The following CDH13 variants were observed in gnomAD, a reference collection of about 807,000 sequenced individuals.
The protein encoded by CDH13 is cadherin 13, also known as cadherin-13.
Under a neutral mutation model 63.8 loss-of-function variants are expected in CDH13, and 24 were observed. That is an observed-to-expected ratio of 0.38 (90% CI 0.27 to 0.53). CDH13 has a LOEUF of 0.53. Among genes scored for constraint, CDH13 ranks in the 20% least tolerant of loss-of-function variants. The probability of loss-of-function intolerance (pLI) is 0.85; values close to 1 mark genes in which losing one functional copy is unlikely to be tolerated. For synonymous variants in CDH13, 503 were observed against 355.3 expected, an observed-to-expected ratio of 1.42 and a Z score of -4.67; for missense variants, 1,049 against 903.1, an observed-to-expected ratio of 1.16 and a Z score of -2.07.
chr16:82,996,464 T>C (rs1912215229), intron 2 of CDH13, among the ~76,000 whole-genome samples: 2 of 152,178 alleles, frequency 1.3e-5, no homozygotes, highest in African/African-American at 4.8e-5. Flanking sequence ...TTTATCTCTC[T>C]GCCGGGCTAG....
At chr16:83,339,920 T>G (rs2090684617) in intron 5 of CDH13, among the ~76,000 whole-genome samples, 1 of 152,210 alleles carries the variant, frequency 6.6e-6, no homozygotes, top group Admixed American at 6.5e-5. Flanking sequence ...TAAAGCTGAA[T>G]GAGTTACTCC....
intron 5 of CDH13, among the ~76,000 whole-genome samples, chr16:83,297,105 T>A (rs1333775040): frequency 2.6e-5 from 4 of 152,086 alleles, no homozygotes; most frequent in Non-Finnish European, 5.9e-5. Flanking sequence ...GGAGAGAGGA[T>A]GGTCAACAGG....
rs186337352 is a variant in CDH13, at chr16:83,061,823, G to A, written c.366+29605G>A. 3.7e-4 allele frequency among the ~76,000 whole-genome samples: 56 copies of A among 152,290 alleles called. 1 individual carries two copies. Among genetic ancestry groups the A allele is most frequent in the African/African-American group, 1.0e-3 (43 of 41,566 alleles). On this transcript the variant is annotated intron_variant, in intron 3 of 13. Coordinates refer to ENST00000567109, the MANE Select transcript of CDH13 (RefSeq NM_001257.5). ...CTCAGTCTCCCAGCAAAATTGAAAC[G>A]TAATTCAACTTCAGATGGTCAATGC...
At chr16:82,758,865 G>C (rs2034723283) in intron 1 of CDH13, among the ~76,000 whole-genome samples, 1 of 152,132 alleles carries the variant, frequency 6.6e-6, no homozygotes, top group South Asian at 2.1e-4. Context: ...GTTTTCCCCT[G>C]TTGATTTAGT....
intron 2 of CDH13, among the ~76,000 whole-genome samples, chr16:82,977,999 G>C (rs550918710): frequency 6.6e-6 from 1 of 152,280 alleles, no homozygotes; most frequent in South Asian, 2.1e-4. Context: ...TGAGGAACTT[G>C]TTGGAAACTG....
At chr16:83,388,071 A>C (rs1160176141) in intron 6 of CDH13, among the ~76,000 whole-genome samples, 1 of 152,102 alleles carries the variant, frequency 6.6e-6, no homozygotes, top group Non-Finnish European at 1.5e-5. Flanking sequence ...ACAGAGACCA[A>C]GAATCCGGCA....
Position 82,644,432 on chromosome 16 carries a change from C to A in CDH13, c.45+17295C>A, listed in dbSNP as rs1359173016. Among the ~76,000 whole-genome samples, 1 of 152,156 alleles carries A rather than the reference C, an allele frequency of 6.6e-6. No individual in the cohort carries two copies. On this transcript the variant is annotated intron_variant, in intron 1 of 13. Coordinates refer to ENST00000567109, the MANE Select transcript of CDH13 (RefSeq NM_001257.5). The surrounding 1 kb of genome is among the most constrained non-coding windows in gnomAD (Gnocchi z 5.7). ...TGGAACGTACTCCTGTCTGCCCTCACTCGTGGGTTGATGATTTCTATCCTT... is the reference window on the plus strand; with the variant it reads ...TGGAACGTACTCCTGTCTGCCCTCAATCGTGGGTTGATGATTTCTATCCTT...
intron 1 of CDH13, among the ~76,000 whole-genome samples, chr16:82,804,105 G>A (rs955160312): frequency 6.6e-5 from 10 of 152,050 alleles, no homozygotes; most frequent in Non-Finnish European, 1.2e-4. Flanking sequence ...GTGCGCGCCT[G>A]TAGTCCCAGC....
intron 7 of CDH13, among the ~76,000 whole-genome samples, chr16:83,532,424 G>A (rs7190681): frequency 0.054 from 8,172 of 152,266 alleles, 294 homozygotes; most frequent in South Asian, 0.12. Flanking sequence ...CCAGTGCTTG[G>A]AACATGGGAG....
intron 6 of CDH13, among the ~76,000 whole-genome samples, chr16:83,460,760 G>A (rs570534384): frequency 1.7e-4 from 26 of 151,836 alleles, no homozygotes; most frequent in African/African-American, 6.3e-4. Context: ...TTGGGAGGCC[G>A]AGGCGGGAGG....
chr16:82,773,257 G>A (rs1161608733), intron 1 of CDH13: 1 of 152,248 alleles, frequency 6.6e-6, no homozygotes, highest in African/African-American at 2.4e-5. Flanking sequence ...CTTGTTCTTT[G>A]TGGTTTCCTT....
At chr16:83,035,047 T>C (rs917986956) in intron 3 of CDH13, among the ~76,000 whole-genome samples, 12 of 151,850 alleles carry the variant, frequency 7.9e-5, no homozygotes, top group Non-Finnish European at 1.8e-4. Context: ...AAAAAGGCTT[T>C]GTGAAGATGT....
At chr16:83,651,588 CTTTT>C (rs35237670) in intron 8 of CDH13, among the ~76,000 whole-genome samples, 1 of 75,304 alleles carries the variant, frequency 1.3e-5, no homozygotes, top group African/African-American at 5.3e-5. Flanking sequence ...TTATTTTCCT[CTTTT>C]TTTTTTTTTT....
intron 5 of CDH13, among the ~76,000 whole-genome samples, chr16:83,270,512 A>G (rs529244139): frequency 4.6e-5 from 7 of 152,336 alleles, no homozygotes; most frequent in South Asian, 2.1e-4. Flanking sequence ...GAGAGCATCA[A>G]TTATCAATGT....
At chr16:83,468,943 A>AT (rs1453689135) in intron 6 of CDH13, among the ~76,000 whole-genome samples, 4 of 152,030 alleles carry the variant, frequency 2.6e-5, no homozygotes, top group African/African-American at 9.7e-5. Context: ...TCTTTCTTCC[A>AT]TTGCCCGTGG....
At chr16:83,789,790 C>G (rs905507026) in intron 13 of CDH13, among the ~76,000 whole-genome samples, 2 of 152,180 alleles carry the variant, frequency 1.3e-5, no homozygotes, top group African/African-American at 4.8e-5. Context: ...CAGACCAAAT[C>G]TGGTCTACTG....
At chr16:83,784,554 C>A (rs1004141778) in intron 13 of CDH13, among the ~76,000 whole-genome samples, 1 of 151,426 alleles carries the variant, frequency 6.6e-6, no homozygotes, top group Non-Finnish European at 1.5e-5. Flanking sequence ...ATCACTTGAA[C>A]CCGGGAGGCG....
At chr16:83,697,331 C>T (rs1371583914) in intron 10 of CDH13, among the ~76,000 whole-genome samples, 1 of 152,108 alleles carries the variant, frequency 6.6e-6, no homozygotes, top group Non-Finnish European at 1.5e-5. Context: ...CTGTTTAGTG[C>T]CGTGATTTTT....
intron 2 of CDH13, among the ~76,000 whole-genome samples, chr16:82,945,114 C>G (rs139176639): frequency 3.4e-4 from 52 of 152,220 alleles, no homozygotes; most frequent in African/African-American, 1.2e-3. Flanking sequence ...GTAGAGAAAG[C>G]TTTTAATAAC....
Sources: allele counts gnomAD v4.1 joint callset (sites outside exome capture counted in the v4.1 genomes callset), GRCh38; gene constraint gnomAD v4.1.1; non-coding constraint Gnocchi (gnomAD v3.1); transcripts MANE v1.5; gene names NCBI Gene and HGNC (gene_info 2026-07-23, HGNC 2026-07-21).